ABCA2: variants seen among roughly 807,000 people sequenced by gnomAD.
The protein encoded by ABCA2 is ATP binding cassette subfamily A member 2, also known as ATP-binding cassette sub-family A member 2.
ABCA2 carries 84 observed loss-of-function variants against 262.8 expected under a neutral mutation model. The observed-to-expected ratio is 0.32, with a 90% CI of 0.27 to 0.38. ABCA2 has a LOEUF of 0.38. Ranked by LOEUF, ABCA2 falls within the 10% of genes least tolerant of loss-of-function variation. The probability of loss-of-function intolerance (pLI) is 1.00; values close to 1 mark genes in which losing one functional copy is unlikely to be tolerated. For missense variants in ABCA2, 2,662 were observed against 3,405.9 expected, an observed-to-expected ratio of 0.78 and a Z score of 5.44; for synonymous variants, 1,696 against 1,502.9, an observed-to-expected ratio of 1.13 and a Z score of -2.97.
chr9:137,016,965 C>T lies in ABCA2; in HGVS notation c.2713G>A (p.Val905Met), dbSNP rs771555965. Residue 905 changes from valine (V) to methionine (M), a missense_variant, in exon 19 of 49, where the codon GTG becomes ATG. Around this residue, in one of 12 missense-constraint regions of ABCA2, gnomAD observed 133 missense variants for 150.8 expected, o/e 0.88. Transcript: ENST00000341511. Reference protein sequence around the residue: ...LAVTMLMVDAVVYGILTWYIE... With the variant: ...LAVTMLMVDAMVYGILTWYIE... ...TACCACGTGAGGATGCCATAGACCA[C>T]GGCGTCCACCATCAGCATGGTGACA... 1.4e-5 allele frequency: 23 copies of T among 1,612,772 alleles called. No individual in the cohort carries two copies. The highest frequency in any genetic ancestry group is 1.0e-4 in the Admixed American group (6 of 60,022).
In ABCA2 at chr9:137,016,335, C is replaced by T; in HGVS notation, c.3060G>A (p.Val1020=). ...CCCCGTTGTGGCCCAAGAAGGAGACCACCTGGTTCTCGTAGAGGTTCAGGC... is the reference window on the plus strand; with the variant it reads ...CCCCGTTGTGGCCCAAGAAGGAGACTACCTGGTTCTCGTAGAGGTTCAGGC... ...KLSLNLYENQ[V]VSFLGHNGAG... is the part of the protein sequence containing the mutation. The change falls in exon 21 of 49, where the codon GTG becomes GTA. Residue 1020 remains valine (V), a synonymous_variant. Transcript: ENST00000341511. 1 of 1,612,888 alleles carries T rather than the reference C, an allele frequency of 6.2e-7. No homozygotes were observed. Among genetic ancestry groups the T allele is most frequent in the South Asian group, 1.1e-5 (1 of 91,088 alleles).
At position 137,019,610 on chromosome 9, in the gene ABCA2, C is replaced by T. The variant is rs143593439; in HGVS notation, c.1426-304G>A. ...GCTAATTTTGTATTTTTGGTAGAGA[C>T]GGGCTTCCGCTATGTTGCTCGGGCT... On this transcript the variant is annotated intron_variant, in intron 10 of 48. Coordinates refer to ENST00000341511, the MANE Select transcript of ABCA2 (RefSeq NM_001606.5). The surrounding 1 kb of genome is among the most constrained non-coding windows in gnomAD (Gnocchi z 4.4). The T allele has an allele frequency of 2.9e-4, 96 of 330,042 alleles. No homozygotes were observed. In the East Asian group the frequency reaches 7.1e-3, roughly 25 times the overall value. 20.4% of individuals were successfully genotyped at this position (330,042 alleles called of 1,614,324 possible). A position where few individuals can be genotyped will look rare whatever the true frequency, so the allele number is the denominator to read the frequency against.
rs1469853543 is a variant in ABCA2, at chr9:137,021,740, C to T, written c.679-130G>A. 1 of 1,225,270 alleles carries T rather than the reference C, an allele frequency of 8.2e-7. No homozygotes were observed. Among genetic ancestry groups the T allele is most frequent in the Middle Eastern group, 2.6e-4 (1 of 3,808 alleles). The allele number at this position is 1,225,270 out of a possible 1,614,324, so 75.9% of individuals were successfully genotyped here. On this transcript the variant is annotated intron_variant, in intron 7 of 48. Coordinates refer to ENST00000341511, the MANE Select transcript of ABCA2 (RefSeq NM_001606.5). The surrounding 1 kb of genome is among the most constrained non-coding windows in gnomAD (Gnocchi z 6.0). The stretch of plus-strand genomic sequence containing the variant: ...GCCTGGGTCCCACGACATGCCTCTA[C>T]CCCTCATGCCTGCCATAGACCCCTG...
intron 1 of ABCA2, among the ~76,000 whole-genome samples, chr9:137,026,946 G>A (rs1360127302): frequency 2.6e-5 from 4 of 152,230 alleles, no homozygotes; most frequent in African/African-American, 7.2e-5. Flanking sequence ...CAGGCTCCCC[G>A]CCAAGGCCAG....
At position 137,008,498 on chromosome 9, in the gene ABCA2, G is replaced by A. The variant is rs748564836; in HGVS notation, c.7193C>T (p.Thr2398Met). Residue 2398 changes from threonine (T) to methionine (M), a missense_variant, in exon 48 of 49, where the codon ACG becomes ATG. By Grantham distance (81) the Thr-to-Met change is moderately conservative. This residue lies in a region of ABCA2 where 212 missense variants were observed against 214.4 expected (regional missense o/e 0.99). Coordinates refer to ENST00000341511, the MANE Select transcript of ABCA2 (RefSeq NM_001606.5). ...LSLLRPRSAP[T>M]ELRALVADEP... The stretch of plus-strand genomic sequence containing the variant: ...GTCTGCCACAAGTGCCCGGAGCTCC[G>A]TGGGGGCAGACCGGGGCCGGAGCAG... 22 of 1,580,008 alleles carry A rather than the reference G, an allele frequency of 1.4e-5. No homozygotes were observed. The highest frequency in any genetic ancestry group is 1.8e-5 in the Admixed American group (1 of 54,992).
intron 1 of ABCA2, among the ~76,000 whole-genome samples, chr9:137,026,404 C>T (rs1422370110): frequency 6.6e-6 from 1 of 152,196 alleles, no homozygotes; most frequent in Non-Finnish European, 1.5e-5. Flanking sequence ...AAGATCCTTC[C>T]CAGGAAAGTG....
chr9:137,021,178 G>A lies in ABCA2; in HGVS notation c.898-117C>T. 7.2e-7 allele frequency: 1 copy of A among 1,394,632 alleles called. No individual in the cohort carries two copies. Among genetic ancestry groups the A allele is most frequent in the South Asian group, 1.5e-5 (1 of 67,050 alleles). 86.4% of individuals were successfully genotyped at this position (1,394,632 alleles called of 1,614,324 possible). On this transcript the variant is annotated intron_variant, in intron 8 of 48. Transcript: ENST00000341511. This position sits in a 1 kb window ranked among gnomAD's most constrained non-coding sequence, Gnocchi z 6.0. ...AGACACAAGCTAGGGGTGCTGGGAG[G>A]GAGTCTGCAGCCTGGGTAACGGGAG...
rs749536003 is a variant in ABCA2, at chr9:137,022,746, C to A, written c.395G>T (p.Ser132Ile). Residue 132 changes from serine to isoleucine, a missense_variant, in exon 5 of 49, where the codon AGT (serine) becomes ATT (isoleucine). Ser to Ile is a moderately radical substitution (Grantham distance 142). This residue lies in a region of ABCA2 where 403 missense variants were observed against 375.9 expected (regional missense o/e 1.07). Coordinates refer to ENST00000341511, the MANE Select transcript of ABCA2 (RefSeq NM_001606.5). ...GCTCCCCGAGGTGCCCGGGCCCGCACTGAGGGCCTCCAGATGCTGGCGTAG... is the reference window on the plus strand; with the variant it reads ...GCTCCCCGAGGTGCCCGGGCCCGCAATGAGGGCCTCCAGATGCTGGCGTAG... ...EALRQHLEAL[S>I]AGPGTSGSHL... 3.7e-6 allele frequency: 6 copies of A among 1,605,438 alleles called. No homozygotes were observed. The highest frequency in any genetic ancestry group is 2.2e-5 in the South Asian group (2 of 89,518).
At position 137,012,149 on chromosome 9, in the gene ABCA2, G is replaced by A; in HGVS notation, c.5313C>T (p.Thr1771=). 1 of 1,612,514 alleles carries A rather than the reference G, an allele frequency of 6.2e-7. No individual in the cohort carries two copies. The highest frequency in any genetic ancestry group is 8.5e-7 in the Non-Finnish European group (1 of 1,179,868). The change falls in exon 34 of 49, where the codon ACC becomes ACT. Residue 1771 remains threonine, a synonymous_variant. Coordinates refer to ENST00000341511, the MANE Select transcript of ABCA2 (RefSeq NM_001606.5). ...GNPAAYGITV[T]NHPMNKTSAS... is the part of the protein sequence containing the mutation. ...CGCTGGTCTTATTCATGGGGTGGTTGGTGACGGTGATGCCTGCACACGGCG... is the reference window on the plus strand; with the variant it reads ...CGCTGGTCTTATTCATGGGGTGGTTAGTGACGGTGATGCCTGCACACGGCG...
chr9:137,020,198 G>T, intron 10 of ABCA2, 138 bp downstream of exon 10: 1 of 1,166,588 alleles, frequency 8.6e-7, no homozygotes, highest in South Asian at 1.4e-5. Context: ...CACCTGCAGA[G>T]CCTGTGTCCC....
At position 137,016,305 on chromosome 9, in the gene ABCA2, G is replaced by T. The variant is rs200260703; in HGVS notation, c.3090C>A (p.Gly1030=). 1.9e-6 allele frequency: 3 copies of T among 1,612,694 alleles called. No individual in the cohort carries two copies. The highest frequency in any genetic ancestry group is 2.7e-5 in the African/African-American group (2 of 75,040). The change falls in exon 21 of 49, where the codon GGC becomes GGA. Residue 1030 remains glycine, a synonymous_variant. Coordinates refer to ENST00000341511, the MANE Select transcript of ABCA2 (RefSeq NM_001606.5). ...VVSFLGHNGA[G]KTTTMSILTG... is the part of the protein sequence containing the mutation. The stretch of plus-strand genomic sequence containing the variant: ...CCGACACTCACATGGTGGTGGTCTT[G>T]CCCGCCCCGTTGTGGCCCAAGAAGG...
chr9:137,016,819 G>A, intron 19 of ABCA2, 81 bp from the exon 20 acceptor site: 1 of 1,549,738 alleles, frequency 6.5e-7, no homozygotes, highest in Middle Eastern at 1.8e-4. Flanking sequence ...CCCACCCAGG[G>A]AGCCACCCGT....
rs1056944041 is a variant in ABCA2, at chr9:137,015,977, C to A, written c.3302G>T (p.Arg1101Leu). Residue 1101 changes from arginine (R) to leucine (L), a missense_variant, in exon 22 of 49, where the codon CGC (arginine) becomes CTC (leucine). Transcript: ENST00000341511. Reference protein sequence around the residue: ...RLKSMAQEEIRREMDKMIEDL... With the variant: ...RLKSMAQEEILREMDKMIEDL... Reference sequence around the variant, plus strand: ...GCCCACCCACTTGTCCATCTCTCTGCGGATCTCCTCCTGAGCCATGCTCTT... The same window carrying A: ...GCCCACCCACTTGTCCATCTCTCTGAGGATCTCCTCCTGAGCCATGCTCTT... 1 of 1,275,296 alleles carries A rather than the reference C, an allele frequency of 7.8e-7. No individual in the cohort carries two copies. Among genetic ancestry groups the A allele is most frequent in the Non-Finnish European group, 1.1e-6 (1 of 936,420 alleles). 79.0% of individuals were successfully genotyped at this position (1,275,296 alleles called of 1,614,324 possible). A position where few individuals can be genotyped will look rare whatever the true frequency, so the allele number is the denominator to read the frequency against.
chr9:137,009,451 C>T lies in ABCA2; in HGVS notation c.6746G>A (p.Cys2249Tyr). The T allele has an allele frequency of 6.2e-7, 1 of 1,611,054 alleles. No homozygotes were observed. The highest frequency in any genetic ancestry group is 8.5e-7 in the Non-Finnish European group (1 of 1,179,678). Residue 2249 changes from cysteine to tyrosine, a missense_variant, in exon 45 of 49, where the codon TGC becomes TAC. Around this residue, in one of 12 missense-constraint regions of ABCA2, gnomAD observed 602 missense variants for 897.4 expected, o/e 0.67. Transcript: ENST00000341511. The stretch of plus-strand genomic sequence containing the variant: ...GGCCAGCCGCGTGCACAGCGCCTCG[C>T]ACTCCTCCATGCTGTGGGACATGCA... ...VVLTSHSMEE[C>Y]EALCTRLAIM...
Position 137,009,521 on chromosome 9 carries a change from G to C in ABCA2, c.6734+20C>G. 6.2e-7 allele frequency: 1 copy of C among 1,612,228 alleles called. No individual in the cohort carries two copies. Among genetic ancestry groups the C allele is most frequent in the Non-Finnish European group, 8.5e-7 (1 of 1,179,576 alleles). ...GTGCTGTGGGGTGGGGGCACAAAGA[G>C]GGGGTGGGGGCGCCCTCACCTGTGT... On this transcript the variant is annotated intron_variant, in intron 44 of 48. Coordinates refer to ENST00000341511, the MANE Select transcript of ABCA2 (RefSeq NM_001606.5).
chr9:137,010,943 C>T (rs536766848), intron 39 of ABCA2, 30 bp downstream of exon 39: 16 of 677,262 alleles, frequency 2.4e-5, no homozygotes, highest in South Asian at 6.5e-5. Context: ...GCTCCCGCCC[C>T]GCCCCCGCCC....
At chr9:137,025,370 G>T (rs545656656) in intron 1 of ABCA2, among the ~76,000 whole-genome samples, 1 of 152,188 alleles carries the variant, frequency 6.6e-6, no homozygotes, top group Non-Finnish European at 1.5e-5. Flanking sequence ...GGACAGAGGG[G>T]CCCTGCCCTC....
Position 137,008,218 on chromosome 9 carries a change from C to T in ABCA2, c.7275+198G>A, listed in dbSNP as rs569294070. On this transcript the variant is annotated intron_variant, in intron 48 of 48. Coordinates refer to ENST00000341511, the MANE Select transcript of ABCA2 (RefSeq NM_001606.5). Reference sequence around the variant, plus strand: ...ACCCTTGCTCTGTGCCCCTCAAAGACTCTAGCAAGTCTGGACCATGCAGTT... The same window carrying T: ...ACCCTTGCTCTGTGCCCCTCAAAGATTCTAGCAAGTCTGGACCATGCAGTT... The T allele has an allele frequency of 9.7e-6, 8 of 822,570 alleles. No homozygotes were observed. In the South Asian group the frequency reaches 1.2e-4, roughly 12 times the overall value. 51.0% of individuals were successfully genotyped at this position (822,570 alleles called of 1,614,324 possible).
At position 137,016,916 on chromosome 9, in the gene ABCA2, G is replaced by C; in HGVS notation, c.2758+4C>G. On this transcript the variant is annotated splice_donor_region_variant and intron_variant, in intron 19 of 48. Transcript: ENST00000341511. ...TCCCCTGCCCTCCAAGGGCTGGCCA[G>C]TACCTGGGTGCACAGCCTCAATGTA... The C allele has an allele frequency of 6.2e-7, 1 of 1,612,086 alleles. No homozygotes were observed. Among genetic ancestry groups the C allele is most frequent in the South Asian group, 1.1e-5 (1 of 91,082 alleles).
Sources: allele counts gnomAD v4.1 joint callset (sites outside exome capture counted in the v4.1 genomes callset), GRCh38; gene constraint gnomAD v4.1.1; regional missense constraint gnomAD v4.1.1; non-coding constraint Gnocchi (gnomAD v3.1); transcripts MANE v1.5; gene names NCBI Gene and HGNC (gene_info 2026-07-23, HGNC 2026-07-21).